Variants in GRM7 observed in about 807,000 individuals in gnomAD.
GRM7 encodes the protein metabotropic glutamate receptor 7.
Under a neutral mutation model 84.5 loss-of-function variants are expected in GRM7, and 35 were observed. That is an observed-to-expected ratio of 0.41 (90% CI 0.32 to 0.55). The LOEUF is 0.55. Among genes scored for constraint, GRM7 ranks in the 20% least tolerant of loss-of-function variants. GRM7 has a pLI of 0.19. For synonymous variants in GRM7, 487 were observed against 455.1 expected (o/e 1.07, Z -0.89); for missense variants, 1,003 against 1,194.6 (o/e 0.84, Z 2.36).
At chr3:6,871,836 T>G (rs1695132234) in intron 1 of GRM7, among the ~76,000 whole-genome samples, 1 of 152,142 alleles carries the variant, frequency 6.6e-6, no homozygotes, top group Non-Finnish European at 1.5e-5. Context: ...TATCAAAATA[T>G]AGCTTCTGAA....
intron 6 of GRM7, 61 bp from the exon 7 acceptor site, chr3:7,461,522 A>G (rs1698246781): frequency 1.4e-6 from 2 of 1,387,410 alleles, no homozygotes; most frequent in East Asian, 2.3e-5. Context: ...CACCCATAGT[A>G]CAAGAGATAT....
At chr3:7,450,491 C>T (rs1438230684) in intron 5 of GRM7, among the ~76,000 whole-genome samples, 1 of 152,132 alleles carries the variant, frequency 6.6e-6, no homozygotes, top group Admixed American at 6.6e-5. Flanking sequence ...ATGCAGAAGG[C>T]TGTTCTATAC....
At chr3:6,993,532 G>C (rs1466865384) in intron 1 of GRM7, among the ~76,000 whole-genome samples, 2 of 152,324 alleles carry the variant, frequency 1.3e-5, no homozygotes, top group South Asian at 2.1e-4. Context: ...GAAAGCATTA[G>C]ATGCCCAGTT....
At chr3:6,924,297 A>T (rs779842446) in intron 1 of GRM7, among the ~76,000 whole-genome samples, 3 of 152,222 alleles carry the variant, frequency 2.0e-5, no homozygotes, top group African/African-American at 7.2e-5. Context: ...AGATAGACAA[A>T]TATCTCCAAG....
At chr3:7,388,467 G>A (rs1007051403) in intron 4 of GRM7, among the ~76,000 whole-genome samples, 2 of 152,046 alleles carry the variant, frequency 1.3e-5, no homozygotes, top group African/African-American at 4.8e-5. Context: ...AAATGAGTTA[G>A]GGAGAAGTCT....
intron 1 of GRM7, among the ~76,000 whole-genome samples, chr3:6,974,559 G>A (rs920204473): frequency 1.4e-4 from 21 of 152,184 alleles, no homozygotes; most frequent in Non-Finnish European, 4.4e-5. Flanking sequence ...GGCTGCTGAA[G>A]AGGAGCCTCT....
intron 2 of GRM7, among the ~76,000 whole-genome samples, chr3:7,195,411 T>G (rs1212773135): frequency 1.3e-5 from 2 of 152,124 alleles, no homozygotes; most frequent in Non-Finnish European, 2.9e-5. Flanking sequence ...ACAGATTTAT[T>G]TCAGAAAAGG....
chr3:7,195,475 T>C (rs1695847678), intron 2 of GRM7, among the ~76,000 whole-genome samples: 1 of 152,150 alleles, frequency 6.6e-6, no homozygotes, highest in Admixed American at 6.6e-5. Context: ...ACTGAATTTT[T>C]CTTGTCATTC....
At chr3:7,480,404 T>C (rs779693) in intron 7 of GRM7, among the ~76,000 whole-genome samples, 46,273 of 152,036 alleles carry the variant, frequency 0.3, 7,185 homozygotes, top group East Asian at 0.41. Context: ...AAGTTAGTTA[T>C]ATGTAAACTA....
chr3:6,939,442 A>G lies in GRM7; in HGVS notation c.519+77535A>G, dbSNP rs956001073. Among the ~76,000 whole-genome samples the G allele has an allele frequency of 1.2e-4, 19 of 152,336 alleles. 1 individual carries two copies. Among genetic ancestry groups the G allele is most frequent in the Admixed American group, 7.2e-4 (11 of 15,304 alleles). On this transcript the variant is annotated intron_variant, in intron 1 of 9. Transcript: ENST00000357716. The stretch of plus-strand genomic sequence containing the variant: ...TTTTAAGTAAATCTGGATTAAAAAA[A>G]AAAAACAGTTATTCACATTGTTATT...
intron 8 of GRM7, among the ~76,000 whole-genome samples, chr3:7,593,296 T>C (rs565945015): frequency 6.6e-6 from 1 of 152,264 alleles, no homozygotes; most frequent in Admixed American, 6.5e-5. Context: ...TTTGCGGGGT[T>C]TTGGCACTTT....
chr3:7,311,611 T>TTTG (rs1169592236), intron 4 of GRM7, among the ~76,000 whole-genome samples: 1 of 151,474 alleles, frequency 6.6e-6, no homozygotes, highest in African/African-American at 2.4e-5. Context: ...TTTTTTTTTT[T>TTTG]GGGATGGAGT....
chr3:7,605,197 G>C (rs765898958), intron 8 of GRM7, among the ~76,000 whole-genome samples: 1 of 152,102 alleles, frequency 6.6e-6, no homozygotes, highest in African/African-American at 2.4e-5. Context: ...ATACCTGATT[G>C]CAGAGCTTTC....
chr3:7,088,812 C>T (rs1018490377), intron 1 of GRM7, among the ~76,000 whole-genome samples: 3 of 150,688 alleles, frequency 2.0e-5, no homozygotes, highest in African/African-American at 4.9e-5. Context: ...TGTGGAGGAA[C>T]GCATAAAGCA....
intron 1 of GRM7, among the ~76,000 whole-genome samples, chr3:6,971,309 A>G (rs1364599805): frequency 6.6e-6 from 1 of 152,222 alleles, no homozygotes; most frequent in Non-Finnish European, 1.5e-5. Context: ...TTTAACTTTT[A>G]AAAATTATTT....
At chr3:7,162,638 T>C (rs1046280442) in intron 2 of GRM7, among the ~76,000 whole-genome samples, 9 of 147,720 alleles carry the variant, frequency 6.1e-5, no homozygotes, top group African/African-American at 2.2e-4. Context: ...ATAAGAGAAA[T>C]AGAACTGTCA....
At chr3:7,703,441 CT>C (rs5846532) in intron 9 of GRM7, among the ~76,000 whole-genome samples, 4 of 149,752 alleles carry the variant, frequency 2.7e-5, no homozygotes, top group East Asian at 2.0e-4. Context: ...CACATTAAGA[CT>C]TTTTTTTTTA....
intron 7 of GRM7, among the ~76,000 whole-genome samples, chr3:7,490,502 T>C (rs1445702118): frequency 1.3e-5 from 2 of 152,214 alleles, no homozygotes; most frequent in African/African-American, 4.8e-5. Context: ...CTTGAGTAAA[T>C]GGTTGCACTT....
At chr3:7,721,645 T>C (rs913422708) in intron 9 of GRM7, among the ~76,000 whole-genome samples, 5 of 152,200 alleles carry the variant, frequency 3.3e-5, no homozygotes, top group African/African-American at 9.6e-5. Flanking sequence ...ATGAATAAAA[T>C]ATATAAATAA....
Sources: gnomAD v4.1 joint callset for allele counts (sites outside exome capture counted in the v4.1 genomes callset) on GRCh38, gnomAD v4.1.1 for gene constraint, MANE v1.5 for transcripts, NCBI Gene and HGNC (gene_info 2026-07-23, HGNC 2026-07-21) for gene names.